Variants in LYPD6B observed in about 807,000 individuals in gnomAD.
LYPD6B encodes the protein ly6/PLAUR domain-containing protein 6B.
In LYPD6B, 17 loss-of-function variants were observed where a neutral mutation model predicts 22.8. The observed-to-expected ratio is 0.75, with a 90% CI of 0.51 to 1.12. The LOEUF (loss-of-function observed/expected upper bound fraction) is 1.12. Among genes scored for constraint, LYPD6B ranks in the 50% most tolerant of loss-of-function variants. The pLI is 0.00. For synonymous variants in LYPD6B, 106 were observed against 91.6 expected, an observed-to-expected ratio of 1.16 and a Z score of -0.90; for missense variants, 221 against 258.3, an observed-to-expected ratio of 0.86 and a Z score of 0.99.
At chr2:149,196,550 A>T (rs545042033) in intron 3 of LYPD6B, among the ~76,000 whole-genome samples, 1 of 152,328 alleles carries the variant, frequency 6.6e-6, no homozygotes, top group Admixed American at 6.5e-5. Context: ...CATAGTAACA[A>T]TTCTGCATCG....
intron 1 of LYPD6B, among the ~76,000 whole-genome samples, chr2:149,064,781 T>C (rs1381568507): frequency 6.6e-6 from 1 of 152,202 alleles, no homozygotes. Flanking sequence ...TTCTCTGTGC[T>C]CATCTGAATG....
chr2:149,173,257 G>A (rs997536408), intron 3 of LYPD6B, among the ~76,000 whole-genome samples: 18 of 149,410 alleles, frequency 1.2e-4, no homozygotes, highest in African/African-American at 4.0e-4. Flanking sequence ...GCAAGGTCTT[G>A]GTTATTCTTT....
At chr2:149,173,503 A>G (rs1042251179) in intron 3 of LYPD6B, among the ~76,000 whole-genome samples, 6 of 152,182 alleles carry the variant, frequency 3.9e-5, no homozygotes, top group African/African-American at 1.4e-4. Context: ...TGTTAACTAC[A>G]ATAAATGACA....
At chr2:149,048,833 A>T (rs1683424311) in intron 1 of LYPD6B, among the ~76,000 whole-genome samples, 1 of 152,054 alleles carries the variant, frequency 6.6e-6, no homozygotes, top group Admixed American at 6.5e-5. Flanking sequence ...TTTCCCTTCC[A>T]CTTATGCTTT....
chr2:149,194,320 A>AAT (rs1692670627), intron 3 of LYPD6B, among the ~76,000 whole-genome samples: 1 of 152,142 alleles, frequency 6.6e-6, no homozygotes, highest in African/African-American at 2.4e-5. Flanking sequence ...AACAAGCCAT[A>AAT]ATGCTTTGGT....
intron 2 of LYPD6B, 149 bp downstream of exon 2, chr2:149,131,102 A>G (rs967048329): frequency 1.6e-6 from 1 of 606,782 alleles, no homozygotes; most frequent in Middle Eastern, 2.9e-4. Flanking sequence ...CTGCTTGTTC[A>G]TTGGTTAAAT....
At chr2:149,071,280 T>A (rs916697033) in intron 1 of LYPD6B, among the ~76,000 whole-genome samples, 3 of 152,242 alleles carry the variant, frequency 2.0e-5, no homozygotes, top group African/African-American at 7.2e-5. Context: ...TTGGCTTTGC[T>A]GTTCATGCTA....
At chr2:149,160,068 C>T (rs895718430) in intron 2 of LYPD6B, among the ~76,000 whole-genome samples, 15 of 151,842 alleles carry the variant, frequency 9.9e-5, no homozygotes, top group South Asian at 6.2e-4. Context: ...ATGGGAGGAT[C>T]GCTTGAGCCC....
chr2:149,123,582 A>G (rs12615848), intron 1 of LYPD6B, among the ~76,000 whole-genome samples: 32,357 of 152,064 alleles, frequency 0.21, 4,530 homozygotes, highest in East Asian at 0.55. Flanking sequence ...AGAAAAGAAC[A>G]ATTTAAAAAT....
intron 1 of LYPD6B, among the ~76,000 whole-genome samples, chr2:149,112,334 C>G (rs1686798854): frequency 6.6e-6 from 1 of 151,832 alleles, no homozygotes; most frequent in South Asian, 2.1e-4. Context: ...GATTTTTTTT[C>G]CCAATCAAGT....
chr2:149,077,683 A>C (rs1684939628), intron 1 of LYPD6B: 1 of 152,196 alleles, frequency 6.6e-6, no homozygotes, highest in Non-Finnish European at 1.5e-5. Flanking sequence ...TACAGTTATA[A>C]TTGCCCCAAT....
At chr2:149,122,846 A>G (rs1687462781) in intron 1 of LYPD6B, among the ~76,000 whole-genome samples, 2 of 152,324 alleles carry the variant, frequency 1.3e-5, no homozygotes, top group East Asian at 3.9e-4. Flanking sequence ...ATGGCAATAA[A>G]AATTTAAGAT....
intron 3 of LYPD6B, among the ~76,000 whole-genome samples, chr2:149,181,108 G>C (rs1366660456): frequency 1.3e-5 from 2 of 152,138 alleles, no homozygotes; most frequent in Non-Finnish European, 2.9e-5. Context: ...GAGGGACCCA[G>C]AGTACCTACC....
chr2:149,147,940 G>GTGTGTGTGTGTA (rs1171650654), intron 2 of LYPD6B, among the ~76,000 whole-genome samples: 21 of 151,716 alleles, frequency 1.4e-4, no homozygotes, highest in African/African-American at 4.6e-4. Context: ...GTGTGTGTGT[G>GTGTGTGTGTGTA]TATAGTCAGA....
intron 1 of LYPD6B, among the ~76,000 whole-genome samples, chr2:149,121,136 G>A (rs1207071702): frequency 6.6e-6 from 1 of 152,130 alleles, no homozygotes; most frequent in African/African-American, 2.4e-5. Context: ...TCATTAAGTT[G>A]ATATGTCATA....
At chr2:149,065,818 C>T (rs568628041) in intron 1 of LYPD6B, among the ~76,000 whole-genome samples, 1 of 152,332 alleles carries the variant, frequency 6.6e-6, no homozygotes, top group South Asian at 2.1e-4. Flanking sequence ...AAGCAGTCCT[C>T]TTGCCTCAGC....
At chr2:149,170,593 T>G (rs1184112629) in intron 3 of LYPD6B, among the ~76,000 whole-genome samples, 3 of 152,196 alleles carry the variant, frequency 2.0e-5, no homozygotes, top group Non-Finnish European at 2.9e-5. Context: ...TTCAAAAGTC[T>G]TAATATTTAT....
chr2:149,210,949 T>C (rs1337515966), intron 5 of LYPD6B, among the ~76,000 whole-genome samples: 3 of 152,300 alleles, frequency 2.0e-5, no homozygotes, highest in African/African-American at 7.2e-5. Flanking sequence ...AGAAAAGAGA[T>C]TTAATTGGCT....
At chr2:149,184,061 G>A (rs534800144) in intron 3 of LYPD6B, among the ~76,000 whole-genome samples, 171 of 152,030 alleles carry the variant, frequency 1.1e-3, no homozygotes, top group South Asian at 3.7e-3. Flanking sequence ...GCATGGTGGC[G>A]CATGCCTGTG....
Sources: gnomAD v4.1 joint callset for allele counts (sites outside exome capture counted in the v4.1 genomes callset) on GRCh38, gnomAD v4.1.1 for gene constraint, MANE v1.5 for transcripts, NCBI Gene and HGNC (gene_info 2026-07-23, HGNC 2026-07-21) for gene names.